Variants in ELOVL6 observed in about 807,000 individuals in gnomAD.
ELOVL6 encodes very long chain fatty acid elongase 6.
ELOVL6 carries 8 observed loss-of-function variants against 31.7 expected under a neutral mutation model. The ratio of observed to expected loss-of-function variants is 0.25; its 90% CI spans 0.15 to 0.45. The LOEUF is 0.45. Ranked by LOEUF, ELOVL6 falls within the 20% of genes least tolerant of loss-of-function variation. The pLI is 1.00. For missense variants in ELOVL6, 126 were observed against 326.4 expected, an observed-to-expected ratio of 0.39 and a Z score of 4.73; for synonymous variants, 101 against 117.7, an observed-to-expected ratio of 0.86 and a Z score of 0.92.
rs372612725 is a variant in ELOVL6 at position 110,122,269 on chromosome 4, C to G, written c.90-16641G>C. Among the ~76,000 whole-genome samples the G allele has an allele frequency of 7.9e-5, 12 of 152,270 alleles. No individual in the cohort carries two copies. The East Asian group carries it at 2.3e-3, about 29-fold the overall frequency. On this transcript the variant is annotated intron_variant, in intron 1 of 3. Coordinates refer to ENST00000302274, the MANE Select transcript of ELOVL6 (RefSeq NM_024090.3). ...GCATATAATCTTCACTATTAGCCAACTATCTTGTTTATTTAAATATGAATG... is the reference window on the plus strand; with the variant it reads ...GCATATAATCTTCACTATTAGCCAAGTATCTTGTTTATTTAAATATGAATG...
At chr4:110,151,662 A>G (rs1397913395) in intron 1 of ELOVL6, among the ~76,000 whole-genome samples, 1 of 152,206 alleles carries the variant, frequency 6.6e-6, no homozygotes, top group East Asian at 1.9e-4. Flanking sequence ...CCTGCCCATT[A>G]AGAGACAGCA....
chr4:110,105,420 TC>T (rs2126246429), intron 2 of ELOVL6, 76 bp downstream of exon 2: 2 of 1,405,864 alleles, frequency 1.4e-6, no homozygotes, highest in East Asian at 4.7e-5. Flanking sequence ...AGATTTAAAA[TC>T]AAATGCTCAA....
At chr4:110,103,486 C>A (rs1220485406) in intron 2 of ELOVL6, among the ~76,000 whole-genome samples, 2 of 151,744 alleles carry the variant, frequency 1.3e-5, no homozygotes, top group South Asian at 4.2e-4. Context: ...TGAATATAGA[C>A]AAAGAATCAA....
intron 1 of ELOVL6, among the ~76,000 whole-genome samples, chr4:110,165,239 C>T (rs371877301): frequency 6.6e-6 from 1 of 152,146 alleles, no homozygotes; most frequent in South Asian, 2.1e-4. Context: ...TACCAGGGCA[C>T]CTGTTTAGTG....
At chr4:110,194,317 G>A (rs1258929756) in intron 1 of ELOVL6, among the ~76,000 whole-genome samples, 1 of 152,188 alleles carries the variant, frequency 6.6e-6, no homozygotes, top group Non-Finnish European at 1.5e-5. Context: ...CCTATGAGCA[G>A]ACATTTTTCT....
At chr4:110,190,179 C>T (rs562008768) in intron 1 of ELOVL6, among the ~76,000 whole-genome samples, 158 of 152,048 alleles carry the variant, frequency 1.0e-3, no homozygotes, top group Non-Finnish European at 2.0e-3. Context: ...AAACTACTTA[C>T]AATCAGCATG....
At chr4:110,182,450 AT>A (rs1373932356) in intron 1 of ELOVL6, among the ~76,000 whole-genome samples, 1 of 152,138 alleles carries the variant, frequency 6.6e-6, no homozygotes, top group African/African-American at 2.4e-5. Context: ...TTTTTTTAAG[AT>A]TGTTACCTGA....
At chr4:110,060,051 T>C (rs568049851) in intron 2 of ELOVL6, 48 of 237,234 alleles carry the variant, frequency 2.0e-4, no homozygotes, top group African/African-American at 1.0e-3. Context: ...CTGGTGACCT[T>C]TGAGTTTCAG....
chr4:110,118,622 A>G (rs866099949), intron 1 of ELOVL6, among the ~76,000 whole-genome samples: 3 of 152,084 alleles, frequency 2.0e-5, no homozygotes, highest in South Asian at 2.1e-4. Flanking sequence ...TTATATCACA[A>G]TTTCTTTATC....
At chr4:110,097,213 G>C (rs1386633929) in intron 2 of ELOVL6, among the ~76,000 whole-genome samples, 2 of 148,846 alleles carry the variant, frequency 1.3e-5, no homozygotes, top group Admixed American at 1.4e-4. Context: ...GGCTGAGGCA[G>C]AGAATTGCTT....
At chr4:110,092,372 A>C (rs574893244) in intron 2 of ELOVL6, among the ~76,000 whole-genome samples, 4 of 152,374 alleles carry the variant, frequency 2.6e-5, no homozygotes, top group South Asian at 2.1e-4. Context: ...AAGAAGTTTC[A>C]TATGGGAAAA....
chr4:110,122,988 T>A (rs1170638703), intron 1 of ELOVL6, among the ~76,000 whole-genome samples: 1 of 152,228 alleles, frequency 6.6e-6, no homozygotes, highest in African/African-American at 2.4e-5. Context: ...GTAGCACTTG[T>A]CTGTTTGTAT....
At chr4:110,194,590 T>A (rs1425650908) in intron 1 of ELOVL6, among the ~76,000 whole-genome samples, 1 of 152,224 alleles carries the variant, frequency 6.6e-6, no homozygotes, top group Non-Finnish European at 1.5e-5. Context: ...ACTTGAAAAC[T>A]AGCCTCAGTT....
chr4:110,156,728 G>A (rs1727959755), intron 1 of ELOVL6, among the ~76,000 whole-genome samples: 1 of 152,142 alleles, frequency 6.6e-6, no homozygotes, highest in Non-Finnish European at 1.5e-5. Flanking sequence ...TAAAGCACAT[G>A]CTTCTTTTTC....
At chr4:110,066,797 G>A (rs888782511) in intron 2 of ELOVL6, among the ~76,000 whole-genome samples, 1 of 151,924 alleles carries the variant, frequency 6.6e-6, no homozygotes, top group African/African-American at 2.4e-5. Flanking sequence ...TGTGCAGAAC[G>A]TGCAGGTTTG....
Position 110,049,364 on chromosome 4 carries a change from G to C in ELOVL6, c.*1974C>G, listed in dbSNP as rs897315023. ...ATGACTTGGTTTGCATGGATTCTTT[G>C]TTCACTGCTCAAACCATTCACACAG... On this transcript the variant is annotated 3_prime_UTR_variant, in exon 4 of 4. Transcript: ENST00000302274. 3.3e-5 allele frequency: 5 copies of C among 152,396 alleles called. No homozygotes were observed. Among genetic ancestry groups the C allele is most frequent in the African/African-American group, 1.2e-4 (5 of 41,370 alleles). The allele number at this position is 152,396 out of a possible 1,614,324, so 9.4% of individuals were successfully genotyped here.
At chr4:110,181,396 C>A (rs1262751396) in intron 1 of ELOVL6, among the ~76,000 whole-genome samples, 1 of 151,894 alleles carries the variant, frequency 6.6e-6, no homozygotes, top group African/African-American at 2.4e-5. Context: ...TGCAGTAAAC[C>A]AAGATCGCAC....
Position 110,047,920 on chromosome 4 carries a change from C to T in ELOVL6, c.*3418G>A, listed in dbSNP as rs930437991. On this transcript the variant is annotated 3_prime_UTR_variant, in exon 4 of 4. Transcript: ENST00000302274. ...AAAAAAAAAAAAAAAAAAAGAAAGA[C>T]ATTCTGTGGGTCTCTTTCTGTTCTT... 4 of 134,036 alleles carry T rather than the reference C, an allele frequency of 3.0e-5. No individual in the cohort carries two copies. Among genetic ancestry groups the T allele is most frequent in the African/African-American group, 1.2e-4 (4 of 34,238 alleles). The allele number at this position is 134,036 out of a possible 1,614,324, so 8.3% of individuals were successfully genotyped here.
Position 110,047,058 on chromosome 4 carries a change from G to A in ELOVL6, c.*4280C>T, listed in dbSNP as rs991033225. On this transcript the variant is annotated 3_prime_UTR_variant, in exon 4 of 4. Transcript: ENST00000302274. ...AGGCTTTACGATCATCCTAAATTGA[G>A]AGCAAGGTATTTATTATCGAAAACA... 1.3e-5 allele frequency: 2 copies of A among 152,168 alleles called. No homozygotes were observed. Among genetic ancestry groups the A allele is most frequent in the African/African-American group, 2.4e-5 (1 of 41,438 alleles). The allele number at this position is 152,168 out of a possible 1,614,324, so 9.4% of individuals were successfully genotyped here.
Sources: allele counts gnomAD v4.1 joint callset (sites outside exome capture counted in the v4.1 genomes callset), GRCh38; gene constraint gnomAD v4.1.1; transcripts MANE v1.5; gene names NCBI Gene and HGNC (gene_info 2026-07-23, HGNC 2026-07-21).